TBC1D4: variants seen among roughly 807,000 people sequenced by gnomAD.
The protein encoded by TBC1D4 is TBC (Tre-2, BUB2, CDC16) domain-containing protein.
A neutral mutation model predicts 142.5 loss-of-function variants in TBC1D4; 121 were observed. That is an observed-to-expected ratio of 0.85 (90% confidence interval 0.73 to 0.99). The LOEUF (loss-of-function observed/expected upper bound fraction) is 0.99. Among genes scored for constraint, TBC1D4 ranks in the 50% least tolerant of loss-of-function variants. TBC1D4 has a pLI of 0.00. For missense variants in TBC1D4, 1,475 were observed against 1,606.6 expected, an observed-to-expected ratio of 0.92 and a Z score of 1.40; for synonymous variants, 630 against 628.2, an observed-to-expected ratio of 1.00 and a Z score of -0.04.
rs1874523005 is a variant in TBC1D4, at chr13:75,284,784, G to A, written c.*2008C>T. The A allele has an allele frequency of 1.3e-5, 2 of 152,232 alleles. No individual in the cohort carries two copies. Among genetic ancestry groups the A allele is most frequent in the East Asian group, 3.9e-4 (2 of 5,186 alleles). The allele number at this position is 152,232 out of a possible 1,614,324, so 9.4% of individuals were successfully genotyped here. ...GCAACATTTTTTAAAAATCACAAAT[G>A]AAAAAGAAAATTCATTTTCAAAAGA... On this transcript the variant is annotated 3_prime_UTR_variant, in exon 21 of 21. Transcript: ENST00000377636.
intron 1 of TBC1D4, among the ~76,000 whole-genome samples, chr13:75,437,591 A>G (rs1886850745): frequency 7.1e-6 from 1 of 139,956 alleles, no homozygotes; most frequent in South Asian, 2.2e-4. Context: ...TGCTATTCTC[A>G]TTATAAACTT....
At chr13:75,368,407 G>A (rs1457923161) in intron 1 of TBC1D4, among the ~76,000 whole-genome samples, 3 of 152,126 alleles carry the variant, frequency 2.0e-5, no homozygotes, top group Non-Finnish European at 4.4e-5. Context: ...TTTGATCCTC[G>A]GGCTATGAGC....
chr13:75,357,148 T>C (rs1882118901), intron 3 of TBC1D4, among the ~76,000 whole-genome samples: 1 of 152,220 alleles, frequency 6.6e-6, no homozygotes. Flanking sequence ...TAATAGCATC[T>C]ACTGTCAGGA....
At chr13:75,423,685 T>A (rs952205181) in intron 1 of TBC1D4, among the ~76,000 whole-genome samples, 7 of 152,272 alleles carry the variant, frequency 4.6e-5, no homozygotes, top group Non-Finnish European at 1.0e-4. Flanking sequence ...CATTGTAGAG[T>A]AACTCTGCAG....
chr13:75,370,430 GGT>G lies in TBC1D4; in HGVS notation c.499-7825_499-7824del, dbSNP rs539134269. Among the ~76,000 whole-genome samples, 40 of 152,286 alleles carry G rather than the reference GGT, an allele frequency of 2.6e-4. 1 individual carries two copies. In the South Asian group the frequency reaches 7.9e-3, roughly 30 times the overall value. On this transcript the variant is annotated intron_variant, in intron 1 of 20. Transcript: ENST00000377636. ...GGAATATGGACAAGGGTAATGGGCA[GGT>G]GTCTACTGCACTCATCCAGGGTGAG... is the stretch of plus-strand genomic sequence containing the variant.
intron 1 of TBC1D4, among the ~76,000 whole-genome samples, chr13:75,443,573 C>T (rs1233558672): frequency 1.3e-5 from 2 of 152,198 alleles, no homozygotes; most frequent in Non-Finnish European, 2.9e-5. Flanking sequence ...GCTGACACAG[C>T]AGTCAGAAGA....
chr13:75,460,138 G>A lies in TBC1D4; in HGVS notation c.498+21132C>T, dbSNP rs191328516. Among the ~76,000 whole-genome samples, 125 of 151,638 alleles carry A rather than the reference G, an allele frequency of 8.2e-4. 2 individuals are homozygous for A. The highest frequency in any genetic ancestry group is 2.8e-3 in the African/African-American group (116 of 41,416). The stretch of plus-strand genomic sequence containing the variant: ...AGCCTGGGCGACAGAGCGAGACTCC[G>A]TCTCAAAAATAAAAATAAAAAAAAA... On this transcript the variant is annotated intron_variant, in intron 1 of 20. Transcript: ENST00000377636.
chr13:75,325,959 AT>A (rs1379039542), intron 10 of TBC1D4, among the ~76,000 whole-genome samples: 3 of 152,122 alleles, frequency 2.0e-5, no homozygotes, highest in Non-Finnish European at 1.5e-5. Context: ...TGTTTTTTCT[AT>A]TTTTCTGAAA....
chr13:75,290,285 T>C (rs1370314344), intron 19 of TBC1D4, among the ~76,000 whole-genome samples: 3 of 152,108 alleles, frequency 2.0e-5, no homozygotes, highest in Non-Finnish European at 4.4e-5. Context: ...ATTTTCTGCA[T>C]TATTTGCATT....
intron 1 of TBC1D4, among the ~76,000 whole-genome samples, chr13:75,370,992 A>G (rs1883194260): frequency 6.6e-6 from 1 of 152,172 alleles, no homozygotes; most frequent in Admixed American, 6.5e-5. Flanking sequence ...AGGGAGAAAT[A>G]TGAATGAAAG....
At position 75,294,710 on chromosome 13, in the gene TBC1D4, C is replaced by T. The variant is rs1875707541; in HGVS notation, c.3316+144G>A. The T allele has an allele frequency of 8.2e-6, 7 of 855,902 alleles. No individual in the cohort carries two copies. In the South Asian group the frequency reaches 1.3e-4, roughly 16 times the overall value. The allele number at this position is 855,902 out of a possible 1,614,324, so 53.0% of individuals were successfully genotyped here. On this transcript the variant is annotated intron_variant, in intron 18 of 20. Coordinates refer to ENST00000377636, the MANE Select transcript of TBC1D4 (RefSeq NM_014832.5). ...ATTTTAAGTTACTGTCAGAACACAG[C>T]CAGGCACATTTATTAAATTCCATTA...
rs772357617 is a variant in TBC1D4, at chr13:75,286,897, T to C, written c.3792A>G (p.Gln1264=). 1.2e-5 allele frequency: 19 copies of C among 1,613,722 alleles called. No homozygotes were observed. Among genetic ancestry groups the C allele is most frequent in the Non-Finnish European group, 1.4e-5 (16 of 1,179,958 alleles). Residue 1264 remains glutamine (Q), a synonymous_variant, in exon 21 of 21, where the codon CAA becomes CAG. Transcript: ENST00000377636. The stretch of plus-strand genomic sequence containing the variant: ...CATCCGCGGGCAGCAGCTTCCGGAG[T>C]TGCTCCACTGTCTTTTGATAAGCCA... ...EKMAYQKTVE[Q]LRKLLPADAL...
At chr13:75,449,049 T>C (rs1361424265) in intron 1 of TBC1D4, among the ~76,000 whole-genome samples, 5 of 151,468 alleles carry the variant, frequency 3.3e-5, no homozygotes, top group Non-Finnish European at 7.4e-5. Context: ...GACTTATATA[T>C]ATATAATTAT....
Position 75,481,927 on chromosome 13 carries a change from C to T in TBC1D4, c.-160G>A. 1 of 1,058,598 alleles carries T rather than the reference C, an allele frequency of 9.4e-7. No homozygotes were observed. The highest frequency in any genetic ancestry group is 1.2e-6 in the Non-Finnish European group (1 of 813,906). The allele number at this position is 1,058,598 out of a possible 1,614,324, so 65.6% of individuals were successfully genotyped here. On this transcript the variant is annotated 5_prime_UTR_variant, in exon 1 of 21. Coordinates refer to ENST00000377636, the MANE Select transcript of TBC1D4 (RefSeq NM_014832.5). ...CGAACTCCGCGCTTCAGCAGCCCTG[C>T]CCCATGCAGCACTTCCACGGGCGCG... is the stretch of plus-strand genomic sequence containing the variant.
Position 75,481,263 on chromosome 13 carries a change from G to T in TBC1D4, c.498+7C>A. ...CCCGCCCCCGCGCCTCCGAGCCCCTGTCTTGCCTGGCTGGGGTCTGTGGCG... is the reference window on the plus strand; with the variant it reads ...CCCGCCCCCGCGCCTCCGAGCCCCTTTCTTGCCTGGCTGGGGTCTGTGGCG... On this transcript the variant is annotated splice_region_variant and intron_variant, in intron 1 of 20. Transcript: ENST00000377636. 1 of 1,594,230 alleles carries T rather than the reference G, an allele frequency of 6.3e-7. No individual in the cohort carries two copies. Among genetic ancestry groups the T allele is most frequent in the Non-Finnish European group, 8.6e-7 (1 of 1,168,056 alleles).
At chr13:75,325,566 A>G (rs1245470980) in intron 10 of TBC1D4, among the ~76,000 whole-genome samples, 3 of 152,200 alleles carry the variant, frequency 2.0e-5, no homozygotes, top group Non-Finnish European at 4.4e-5. Flanking sequence ...TATCCTCTTT[A>G]CTGTTTCTCA....
Position 75,334,115 on chromosome 13 carries a change from A to G in TBC1D4, c.1731+2806T>C, listed in dbSNP as rs1879996868. Among the ~76,000 whole-genome samples the G allele has an allele frequency of 2.0e-5, 3 of 152,156 alleles. No homozygotes were observed. The South Asian group carries it at 6.2e-4, about 32-fold the overall frequency. ...ATTAATTACATACAGCAAATATCTT[A>G]TTTATGATAAAACTTTCAATATATT... On this transcript the variant is annotated intron_variant, in intron 8 of 20. Coordinates refer to ENST00000377636, the MANE Select transcript of TBC1D4 (RefSeq NM_014832.5).
chr13:75,322,654 C>T (rs1418253255), intron 11 of TBC1D4, among the ~76,000 whole-genome samples: 7 of 152,178 alleles, frequency 4.6e-5, no homozygotes. Context: ...ATGGTTCTCT[C>T]AGGAAGGAAA....
At chr13:75,411,256 G>T (rs1885646949) in intron 1 of TBC1D4, among the ~76,000 whole-genome samples, 1 of 152,080 alleles carries the variant, frequency 6.6e-6, no homozygotes. Context: ...CCCACCTTAT[G>T]ATATAATGTG....
Sources: allele counts gnomAD v4.1 joint callset (sites outside exome capture counted in the v4.1 genomes callset), GRCh38; gene constraint gnomAD v4.1.1; transcripts MANE v1.5; gene names NCBI Gene and HGNC (gene_info 2026-07-23, HGNC 2026-07-21).